NEDD4L: variants seen among roughly 807,000 people sequenced by gnomAD.
NEDD4L encodes the protein E3 ubiquitin-protein ligase NEDD4-like.
NEDD4L carries 54 observed loss-of-function variants against 148.9 expected under a neutral mutation model. The observed-to-expected ratio is 0.36, with a 90% CI of 0.29 to 0.45. NEDD4L has a LOEUF of 0.45. Among genes scored for constraint, NEDD4L ranks in the 20% least tolerant of loss-of-function variants. The pLI, the probability that NEDD4L is intolerant of heterozygous loss-of-function variation, is 1.00. For synonymous variants in NEDD4L, 433 were observed against 440.7 expected (o/e 0.98, Z 0.22); for missense variants, 856 against 1,233.8 (o/e 0.69, Z 4.59).
intron 1 of NEDD4L, among the ~76,000 whole-genome samples, chr18:58,154,234 C>T (rs1163814258): frequency 1.3e-5 from 2 of 152,168 alleles, no homozygotes; most frequent in Non-Finnish European, 2.9e-5. Flanking sequence ...CCCTGATAAC[C>T]GAGCTCAGGC....
In NEDD4L at chr18:58,346,568, G is replaced by T. The variant is rs565330760; in HGVS notation, c.1576-2969G>T. On this transcript the variant is annotated intron_variant, in intron 16 of 30. Transcript: ENST00000400345. ...CTTATTACTCTAGGTGTGGTTGCTGGTCTCTTCCAGGATGGAAAAGATAAA... is the reference window on the plus strand; with the variant it reads ...CTTATTACTCTAGGTGTGGTTGCTGTTCTCTTCCAGGATGGAAAAGATAAA... Among the ~76,000 whole-genome samples the T allele has an allele frequency of 6.6e-5, 10 of 152,248 alleles. No individual in the cohort carries two copies. The South Asian group carries it at 2.1e-3, about 32-fold the overall frequency.
chr18:58,234,057 C>CTTTCT (rs1464364225), intron 2 of NEDD4L, among the ~76,000 whole-genome samples: 1 of 80,442 alleles, frequency 1.2e-5, no homozygotes, highest in African/African-American at 5.3e-5. Flanking sequence ...TTCTTTCTTT[C>CTTTCT]TTTCTTTCTT....
intron 5 of NEDD4L, chr18:58,314,672 C>A (rs1055171019): frequency 2.6e-5 from 4 of 152,204 alleles, no homozygotes; most frequent in Admixed American, 2.0e-4. Context: ...GTAGTAGATA[C>A]AGCTAAGAAA....
intron 1 of NEDD4L, among the ~76,000 whole-genome samples, chr18:58,108,554 G>A (rs1418465768): frequency 6.6e-6 from 1 of 152,120 alleles, no homozygotes; most frequent in Non-Finnish European, 1.5e-5. Context: ...CCGAGTAGCT[G>A]GGATTTTAGG....
chr18:58,380,343 G>C (rs974487383), intron 24 of NEDD4L, among the ~76,000 whole-genome samples: 4 of 136,164 alleles, frequency 2.9e-5, no homozygotes, highest in African/African-American at 1.3e-4. Flanking sequence ...TTTTGAGATG[G>C]AGTCTCGCTC....
chr18:58,369,612 C>T (rs777640103), intron 22 of NEDD4L, among the ~76,000 whole-genome samples: 4 of 152,150 alleles, frequency 2.6e-5, no homozygotes, highest in Non-Finnish European at 5.9e-5. Context: ...GGAGAATTGG[C>T]CTGTACTGCA....
At chr18:58,344,905 A>G (rs116690070) in intron 16 of NEDD4L, among the ~76,000 whole-genome samples, 1,924 of 152,310 alleles carry the variant, frequency 0.013, 34 homozygotes, top group African/African-American at 0.044. Context: ...AACATAAGCT[A>G]TGATTTTAGT....
intron 2 of NEDD4L, among the ~76,000 whole-genome samples, chr18:58,205,733 TAA>T (rs77359355): frequency 1.4e-5 from 2 of 143,912 alleles, no homozygotes; most frequent in African/African-American, 2.5e-5. Flanking sequence ...CATTATTGTT[TAA>T]AAAAAAAAAA....
At chr18:58,320,772 G>A (rs551619969) in intron 6 of NEDD4L, among the ~76,000 whole-genome samples, 5 of 152,084 alleles carry the variant, frequency 3.3e-5, no homozygotes, top group African/African-American at 9.7e-5. Context: ...CTATGATTGT[G>A]CCCCTATACT....
intron 5 of NEDD4L, among the ~76,000 whole-genome samples, chr18:58,310,813 G>C (rs2057605299): frequency 6.6e-6 from 1 of 152,222 alleles, no homozygotes; most frequent in African/African-American, 2.4e-5. Context: ...CACAGCTGAT[G>C]GGGTAGCTGC....
intron 1 of NEDD4L, among the ~76,000 whole-genome samples, chr18:58,140,081 T>G (rs932338111): frequency 6.6e-6 from 1 of 151,508 alleles, no homozygotes; most frequent in African/African-American, 2.4e-5. Flanking sequence ...AGGGGAGAGG[T>G]GTTGTGGCCT....
chr18:58,302,545 G>A lies in NEDD4L; in HGVS notation c.298-13437G>A, dbSNP rs186547193. Among the ~76,000 whole-genome samples, 87 of 152,288 alleles carry A rather than the reference G, an allele frequency of 5.7e-4. 2 individuals are homozygous for A. The South Asian group carries it at 6.8e-3, about 12-fold the overall frequency. On this transcript the variant is annotated intron_variant, in intron 5 of 30. Coordinates refer to ENST00000400345, the MANE Select transcript of NEDD4L (RefSeq NM_001144967.3). ...AACCACTGGCTTTCTGAAAATAACT[G>A]TATGCTTTCCAGTTGGCCAGCCTTG...
rs529666561 is a variant in NEDD4L, at chr18:58,123,700, A to G, written c.49-42088A>G. Among the ~76,000 whole-genome samples, 153 of 152,232 alleles carry G rather than the reference A, an allele frequency of 1.0e-3. 1 individual carries two copies. Among genetic ancestry groups the G allele is most frequent in the Non-Finnish European group, 3.8e-4 (26 of 68,024 alleles). On this transcript the variant is annotated intron_variant, in intron 1 of 30. Coordinates refer to ENST00000400345, the MANE Select transcript of NEDD4L (RefSeq NM_001144967.3). ...GAAAACTCTTTCATACCTTCTGCTC[A>G]TCAGTTCTCCACACCTCCCATCATT...
chr18:58,233,516 C>A (rs903270562), intron 2 of NEDD4L, among the ~76,000 whole-genome samples: 1 of 152,178 alleles, frequency 6.6e-6, no homozygotes, highest in African/African-American at 2.4e-5. Context: ...CCCCATGATT[C>A]AATTATCTCC....
chr18:58,327,602 A>G (rs978179644), intron 9 of NEDD4L, among the ~76,000 whole-genome samples: 6 of 152,252 alleles, frequency 3.9e-5, no homozygotes, highest in African/African-American at 1.4e-4. Flanking sequence ...TTAAGGAAAA[A>G]GAGTTTCCAC....
chr18:58,123,351 C>T (rs2030351075), intron 1 of NEDD4L, among the ~76,000 whole-genome samples: 1 of 152,184 alleles, frequency 6.6e-6, no homozygotes, highest in African/African-American at 2.4e-5. Flanking sequence ...CTGCGATCTT[C>T]CGTTCCCAGC....
chr18:58,377,761 T>A (rs1190356699), intron 24 of NEDD4L, among the ~76,000 whole-genome samples: 1 of 152,192 alleles, frequency 6.6e-6, no homozygotes, highest in Non-Finnish European at 1.5e-5. Flanking sequence ...GTTTGTTTTT[T>A]GAGACAGAGT....
At chr18:58,327,091 A>G (rs1353563277) in intron 9 of NEDD4L, among the ~76,000 whole-genome samples, 1 of 152,206 alleles carries the variant, frequency 6.6e-6, no homozygotes, top group Admixed American at 6.5e-5. Context: ...CTAGAGCAAC[A>G]AGGGAAAAAT....
intron 1 of NEDD4L, among the ~76,000 whole-genome samples, chr18:58,156,215 A>G (rs2035475919): frequency 1.3e-5 from 2 of 152,234 alleles, no homozygotes; most frequent in South Asian, 4.1e-4. Flanking sequence ...TCTTCCTAAA[A>G]GGAATTGTAA....
Sources: allele counts gnomAD v4.1 joint callset (sites outside exome capture counted in the v4.1 genomes callset), GRCh38; gene constraint gnomAD v4.1.1; transcripts MANE v1.5; gene names NCBI Gene and HGNC (gene_info 2026-07-23, HGNC 2026-07-21).